CHD6: variants seen among roughly 807,000 people sequenced by gnomAD.
CHD6 encodes the protein ATP-dependent chromatin remodeler CHD6.
Under a neutral mutation model 276.9 loss-of-function variants are expected in CHD6, and 50 were observed. That is an observed-to-expected ratio of 0.18 (90% confidence interval 0.14 to 0.23). The LOEUF (loss-of-function observed/expected upper bound fraction) is 0.23. Among genes scored for constraint, CHD6 ranks in the 10% least tolerant of loss-of-function variants. The probability of loss-of-function intolerance (pLI) is 1.00; values close to 1 mark genes in which losing one functional copy is unlikely to be tolerated. For missense variants in CHD6, 2,564 were observed against 3,365.8 expected, an observed-to-expected ratio of 0.76 and a Z score of 5.89; for synonymous variants, 1,173 against 1,229.3, an observed-to-expected ratio of 0.95 and a Z score of 0.96.
chr20:41,453,554 C>A (rs1600896719), intron 20 of CHD6, among the ~76,000 whole-genome samples: 1 of 152,260 alleles, frequency 6.6e-6, no homozygotes, highest in Admixed American at 6.5e-5. Flanking sequence ...CCCCATACCT[C>A]TTCCCCAAGC....
At chr20:41,555,681 A>G (rs1194087955) in intron 1 of CHD6, among the ~76,000 whole-genome samples, 5 of 147,932 alleles carry the variant, frequency 3.4e-5, no homozygotes, top group African/African-American at 1.0e-4. Flanking sequence ...CGCTCCCCAC[A>G]TCTCAGACGA....
At chr20:41,597,384 T>C (rs773437814) in intron 1 of CHD6, among the ~76,000 whole-genome samples, 3 of 152,222 alleles carry the variant, frequency 2.0e-5, no homozygotes, top group Non-Finnish European at 1.5e-5. Flanking sequence ...AGGATCAGTT[T>C]CTTAAAAACT....
At chr20:41,528,007 T>C (rs1378167709) in intron 3 of CHD6, among the ~76,000 whole-genome samples, 2 of 152,206 alleles carry the variant, frequency 1.3e-5, no homozygotes, top group African/African-American at 2.4e-5. Flanking sequence ...ACTGTTGGAC[T>C]TCCCAGTCTC....
intron 1 of CHD6, among the ~76,000 whole-genome samples, chr20:41,597,178 G>A (rs980794255): frequency 5.9e-5 from 9 of 152,160 alleles, no homozygotes; most frequent in Middle Eastern, 6.8e-3. Flanking sequence ...TCCCACTTAC[G>A]GCCTTTGAAG....
intron 8 of CHD6, 90 bp downstream of exon 8, chr20:41,497,294 A>G (rs1339837924): frequency 4.7e-6 from 4 of 853,810 alleles, no homozygotes; most frequent in Non-Finnish European, 8.1e-6. Flanking sequence ...AGATCTGTAT[A>G]GGAATTTAAC....
intron 26 of CHD6, among the ~76,000 whole-genome samples, chr20:41,438,329 C>T (rs1352272148): frequency 6.6e-6 from 1 of 152,146 alleles, no homozygotes; most frequent in Non-Finnish European, 1.5e-5. Context: ...GTGGCTCACA[C>T]CTGTAATCCC....
chr20:41,593,838 G>A (rs555824710), intron 1 of CHD6, among the ~76,000 whole-genome samples: 31 of 152,262 alleles, frequency 2.0e-4, no homozygotes, highest in African/African-American at 5.5e-4. Flanking sequence ...ATCTACAAGC[G>A]AAGAGAAGAA....
In CHD6 at chr20:41,452,341, C is replaced by T. The variant is rs959050428; in HGVS notation, c.3324-316G>A. On this transcript the variant is annotated intron_variant, in intron 21 of 36. Transcript: ENST00000373233. This position sits in a 1 kb window ranked among gnomAD's most constrained non-coding sequence, Gnocchi z 4.2. ...AGAGTCCAACAGCACTATTCAAAAG[C>T]AATGATGAGCTCATGGCAGCTGAAC... 1.3e-4 allele frequency among the ~76,000 whole-genome samples: 20 copies of T among 152,194 alleles called. No homozygotes were observed. The highest frequency in any genetic ancestry group is 4.6e-4 in the African/African-American group (19 of 41,446).
intron 1 of CHD6, among the ~76,000 whole-genome samples, chr20:41,575,206 T>C (rs931217062): frequency 3.9e-5 from 6 of 152,230 alleles, no homozygotes; most frequent in East Asian, 1.9e-4. Context: ...CTCAGCCTGC[T>C]TCCACCCTGT....
At chr20:41,605,095 A>G (rs969916977) in intron 1 of CHD6, among the ~76,000 whole-genome samples, 2 of 152,180 alleles carry the variant, frequency 1.3e-5, no homozygotes, top group Non-Finnish European at 2.9e-5. Flanking sequence ...TTATGGGTGA[A>G]GCATTACTGT....
intron 1 of CHD6, among the ~76,000 whole-genome samples, chr20:41,599,623 A>T (rs183138528): frequency 1.4e-3 from 208 of 152,288 alleles, no homozygotes; most frequent in Non-Finnish European, 2.5e-3. Context: ...CAAAGCCAAG[A>T]TATGTTACAA....
At chr20:41,507,311 A>G (rs180805834) in intron 5 of CHD6, among the ~76,000 whole-genome samples, 8 of 152,326 alleles carry the variant, frequency 5.3e-5, no homozygotes, top group Non-Finnish European at 1.0e-4. Flanking sequence ...TTTGAATACT[A>G]AAAGAAGTCA....
chr20:41,474,282 G>A (rs1453460580), intron 16 of CHD6, among the ~76,000 whole-genome samples: 1 of 152,070 alleles, frequency 6.6e-6, no homozygotes, highest in East Asian at 1.9e-4. Flanking sequence ...GCATGGTAGA[G>A]GTAAGGGTAA....
At chr20:41,520,860 T>A (rs1013807069) in intron 3 of CHD6, among the ~76,000 whole-genome samples, 28 of 152,106 alleles carry the variant, frequency 1.8e-4, no homozygotes, top group Non-Finnish European at 3.5e-4. Flanking sequence ...TAGGCAATGA[T>A]TTCTAAAGAT....
At chr20:41,449,439 T>C (rs1410001145) in intron 23 of CHD6, among the ~76,000 whole-genome samples, 1 of 152,166 alleles carries the variant, frequency 6.6e-6, no homozygotes, top group Non-Finnish European at 1.5e-5. Context: ...GAAACAAATG[T>C]GTTGACGTCT....
In CHD6 at chr20:41,429,974, C is replaced by T. The variant is rs1239001119; in HGVS notation, c.4069-3821G>A. ...AATTCAGGGGAACTGCTCTAATGAA[C>T]AGGCTCTTTTTATACAATGCTTTGG... On this transcript the variant is annotated intron_variant, in intron 27 of 36. Transcript: ENST00000373233. Among the ~76,000 whole-genome samples, 3 of 152,304 alleles carry T rather than the reference C, an allele frequency of 2.0e-5. No individual in the cohort carries two copies. In the East Asian group the frequency reaches 5.8e-4, roughly 29 times the overall value.
intron 12 of CHD6, among the ~76,000 whole-genome samples, chr20:41,489,374 A>ATCC (rs1158098102): frequency 7.0e-6 from 1 of 142,934 alleles, no homozygotes; most frequent in Non-Finnish European, 1.6e-5. Flanking sequence ...TTTTCTCTTT[A>ATCC]TCCTTCTCTG....
intron 10 of CHD6, among the ~76,000 whole-genome samples, 162 bp downstream of exon 10, chr20:41,493,376 C>T (rs752913247): frequency 1.3e-5 from 2 of 151,978 alleles, no homozygotes; most frequent in Admixed American, 6.6e-5. Context: ...TGGGAAAGTT[C>T]GATCTGGGGT....
Position 41,533,144 on chromosome 20 carries a change from C to T in CHD6, c.460G>A (p.Ala154Thr). The T allele has an allele frequency of 6.2e-7, 1 of 1,614,204 alleles. No homozygotes were observed. Among genetic ancestry groups the T allele is most frequent in the Non-Finnish European group, 8.5e-7 (1 of 1,180,042 alleles). Residue 154 changes from alanine to threonine, a missense_variant, in exon 3 of 37, where the codon GCA (alanine) becomes ACA (threonine). By Grantham distance (58) the Ala-to-Thr change is moderately conservative. Coordinates refer to ENST00000373233, the MANE Select transcript of CHD6 (RefSeq NM_032221.5). ...EPKQKDGAKK[A>T]RKPREASGTK... Reference sequence around the variant, plus strand: ...CCCGAGGCCTCCCGGGGCTTCCGTGCCTTCTTTGCCCCATCTTTTTGCTTC... The same window carrying T: ...CCCGAGGCCTCCCGGGGCTTCCGTGTCTTCTTTGCCCCATCTTTTTGCTTC...
Sources: allele counts gnomAD v4.1 joint callset (sites outside exome capture counted in the v4.1 genomes callset), GRCh38; gene constraint gnomAD v4.1.1; non-coding constraint Gnocchi (gnomAD v3.1); transcripts MANE v1.5; gene names NCBI Gene and HGNC (gene_info 2026-07-23, HGNC 2026-07-21).